Variants in PHACTR4 observed in about 807,000 individuals in gnomAD.
The protein encoded by PHACTR4 is protein phosphatase 1, regulatory subunit 124.
PHACTR4 carries 51 observed loss-of-function variants against 72.7 expected under a neutral mutation model. The observed-to-expected ratio is 0.70, with a 90% CI of 0.56 to 0.89. The LOEUF (loss-of-function observed/expected upper bound fraction) is 0.89. Among genes scored for constraint, PHACTR4 ranks in the 40% least tolerant of loss-of-function variants. The probability of loss-of-function intolerance (pLI) is 0.00; values close to 1 mark genes in which losing one functional copy is unlikely to be tolerated. For synonymous variants in PHACTR4, 255 were observed against 302.5 expected (o/e 0.84, Z 1.63); for missense variants, 731 against 861.8 (o/e 0.85, Z 1.90).
At chr1:28,495,287 T>C (rs1661276547) in intron 13 of PHACTR4, among the ~76,000 whole-genome samples, 1 of 152,128 alleles carries the variant, frequency 6.6e-6, no homozygotes, top group Non-Finnish European at 1.5e-5. Context: ...TTTCTTTTTT[T>C]AATAGAGATG....
chr1:28,474,121 C>G lies in PHACTR4; in HGVS notation c.1391C>G (p.Ser464Cys). ...AGCAGTACGCTGGGTCGGACCAGGT[C>G]TCTTCCCATCACTATTGAAATGCTA... is the stretch of plus-strand genomic sequence containing the variant. The part of the protein sequence containing the change: ...EDSSTLGRTR[S>C]LPITIEMLKV... Residue 464 changes from serine (S) to cysteine (C), a missense_variant, in exon 7 of 14, where the codon TCT (serine) becomes TGT (cysteine). Transcript: ENST00000373839. The G allele has an allele frequency of 6.2e-7, 1 of 1,613,302 alleles. No homozygotes were observed. Among genetic ancestry groups the G allele is most frequent in the Non-Finnish European group, 8.5e-7 (1 of 1,179,614 alleles).
intron 2 of PHACTR4, among the ~76,000 whole-genome samples, chr1:28,420,326 C>T (rs180968751): frequency 6.6e-6 from 1 of 152,066 alleles, no homozygotes; most frequent in East Asian, 1.9e-4. Context: ...GGCAGTTTAC[C>T]CCATGCTGTT....
chr1:28,400,763 A>G (rs2124247198), intron 1 of PHACTR4, among the ~76,000 whole-genome samples: 1 of 152,132 alleles, frequency 6.6e-6, no homozygotes, highest in East Asian at 1.9e-4. Flanking sequence ...TAGTTTTAGT[A>G]GAGACGGGGT....
At position 28,466,579 on chromosome 1, in the gene PHACTR4, A is replaced by C; in HGVS notation, c.634A>C (p.Thr212Pro). 6.2e-7 allele frequency: 1 copy of C among 1,613,924 alleles called. No individual in the cohort carries two copies. Among genetic ancestry groups the C allele is most frequent in the Non-Finnish European group, 8.5e-7 (1 of 1,179,992 alleles). ...CATCACCACAGCACCCGCTGCCACC[A>C]CTGCTGCCACAAGCCTTGCAAAGAC... ...TSITTAPAAT[T>P]AATSLAKTVN... The change falls in exon 6 of 14, where the codon ACT becomes CCT. Residue 212 changes from threonine to proline, a missense_variant. Coordinates refer to ENST00000373839, the MANE Select transcript of PHACTR4 (RefSeq NM_001048183.3).
At chr1:28,406,533 A>G (rs752913147) in intron 1 of PHACTR4, among the ~76,000 whole-genome samples, 2 of 152,142 alleles carry the variant, frequency 1.3e-5, no homozygotes, top group Non-Finnish European at 2.9e-5. Flanking sequence ...AAAGCTCTTA[A>G]TCTGAGCCAG....
intron 1 of PHACTR4, among the ~76,000 whole-genome samples, chr1:28,403,337 G>T (rs953604941): frequency 6.6e-6 from 1 of 152,158 alleles, no homozygotes; most frequent in Non-Finnish European, 1.5e-5. Flanking sequence ...TGCTGTAACG[G>T]CTGGGCTTAC....
rs35369238 is a variant in PHACTR4, at chr1:28,476,772, C to CTTTTTTTTTTTTTTTTTTTTTT, written c.1606+496_1606+497insTTTTTTTTTTTTTTTTTTTTTT. On this transcript the variant is annotated intron_variant, in intron 8 of 13. Transcript: ENST00000373839. ...GTCTCGTTAGGTTGCCTAGCCTGTTCTTTTTTTTTTTTTTTGAGACGGAGT... is the reference window on the plus strand; with the variant it reads ...GTCTCGTTAGGTTGCCTAGCCTGTTCTTTTTTTTTTTTTTTTTTTTTTTTTTTTTTTTTTTTTGAGACGGAGT... Among the ~76,000 whole-genome samples, 143 of 98,398 alleles carry CTTTTTTTTTTTTTTTTTTTTTT rather than the reference C, an allele frequency of 1.5e-3. 19 individuals carry two copies. The Middle Eastern group carries it at 0.019, about 13-fold the overall frequency. 64.6% of individuals were successfully genotyped at this position (98,398 alleles called of 152,430 possible). A position where few individuals can be genotyped will look rare whatever the true frequency, so the allele number is the denominator to read the frequency against.
At chr1:28,481,308 G>A (rs192445141) in intron 9 of PHACTR4, 1 of 152,190 alleles carries the variant, frequency 6.6e-6, no homozygotes, top group African/African-American at 2.4e-5. Flanking sequence ...GGGATTATAG[G>A]TGTAAGCCAC....
At position 28,496,537 on chromosome 1, in the gene PHACTR4, C is replaced by T. The variant is rs1661374402; in HGVS notation, c.2097C>T (p.Tyr699=). The change falls in exon 14 of 14, where the codon TAC becomes TAT. Residue 699 remains tyrosine, a synonymous_variant. Transcript: ENST00000373839. ...VHEESKHFTR[Y]HRP is the part of the protein sequence containing the mutation. ...TCTCTTTTTTAATCTCTTTTAGCTA[C>T]CATCGTCCATGATGCCAAAGGTTGA... The T allele has an allele frequency of 2.5e-6, 4 of 1,613,790 alleles. No homozygotes were observed. Among genetic ancestry groups the T allele is most frequent in the Non-Finnish European group, 3.4e-6 (4 of 1,179,938 alleles).
intron 2 of PHACTR4, among the ~76,000 whole-genome samples, chr1:28,408,508 G>A (rs1395734036): frequency 2.6e-5 from 4 of 152,052 alleles, no homozygotes; most frequent in African/African-American, 4.8e-5. Flanking sequence ...GCAGTAAGCC[G>A]GGATCATGCC....
chr1:28,413,918 C>T (rs1339356423), intron 2 of PHACTR4, among the ~76,000 whole-genome samples: 2 of 152,132 alleles, frequency 1.3e-5, no homozygotes, highest in African/African-American at 4.8e-5. Flanking sequence ...ATTCTCATAT[C>T]AGTATCAGGG....
chr1:28,421,749 T>TTA (rs1311229251), intron 2 of PHACTR4, among the ~76,000 whole-genome samples: 1 of 152,224 alleles, frequency 6.6e-6, no homozygotes, highest in African/African-American at 2.4e-5. Context: ...GAATTATGTC[T>TTA]TAAATAGTAT....
At position 28,459,210 on chromosome 1, in the gene PHACTR4, A is replaced by C. The variant is rs1473753012; in HGVS notation, c.142A>C (p.Lys48Gln). The change falls in exon 3 of 14, where the codon AAA becomes CAA. Residue 48 changes from lysine to glutamine, a missense_variant. By Grantham distance (53) the Lys-to-Gln change is moderately conservative. Around this residue, in one of 2 missense-constraint regions of PHACTR4, gnomAD observed 621 missense variants for 676.6 expected, o/e 0.92. Transcript: ENST00000373839. ...CTTTGGCAAGATCTTCAAGCCCTGG[A>C]AATGGAGGAAAAAAAAAAGTAGTGA... is the stretch of plus-strand genomic sequence containing the variant. ...SGFGKIFKPW[K>Q]WRKKKSSDKF... is the part of the protein sequence containing the mutation. 1 of 1,613,740 alleles carries C rather than the reference A, an allele frequency of 6.2e-7. No individual in the cohort carries two copies. Among genetic ancestry groups the C allele is most frequent in the Non-Finnish European group, 8.5e-7 (1 of 1,179,964 alleles).
intron 1 of PHACTR4, among the ~76,000 whole-genome samples, chr1:28,381,886 C>T (rs1652198402): frequency 6.6e-6 from 1 of 152,116 alleles, no homozygotes. Context: ...GATTCTTGTG[C>T]TTCAGCCTCC....
chr1:28,394,324 GAC>G (rs1653305424), intron 1 of PHACTR4, among the ~76,000 whole-genome samples: 1 of 148,588 alleles, frequency 6.7e-6, no homozygotes, highest in Admixed American at 6.8e-5. Context: ...GGAGGAGAGA[GAC>G]AGAGCAGAGA....
At chr1:28,487,600 C>T in intron 9 of PHACTR4, among the ~76,000 whole-genome samples, 1 of 148,620 alleles carries the variant, frequency 6.7e-6, no homozygotes, top group East Asian at 2.0e-4. Context: ...CTTATGCAAG[C>T]AACAGAAGAG....
chr1:28,449,320 C>T (rs1657760719), intron 2 of PHACTR4, among the ~76,000 whole-genome samples: 1 of 151,834 alleles, frequency 6.6e-6, no homozygotes, highest in African/African-American at 2.4e-5. Context: ...GGGTAACATA[C>T]CCCATATCTA....
chr1:28,489,278 A>G, intron 10 of PHACTR4, 53 bp downstream of exon 10: 1 of 1,451,802 alleles, frequency 6.9e-7, no homozygotes, highest in Non-Finnish European at 9.6e-7. Context: ...TATGTTTCTG[A>G]CTTTAATATA....
chr1:28,479,148 C>T (rs1294244641), intron 8 of PHACTR4, among the ~76,000 whole-genome samples: 4 of 151,874 alleles, frequency 2.6e-5, no homozygotes, highest in Admixed American at 1.3e-4. Flanking sequence ...TGGCTGGCCA[C>T]GGTGGCTCAC....
Sources: gnomAD v4.1 joint callset for allele counts (sites outside exome capture counted in the v4.1 genomes callset) on GRCh38, gnomAD v4.1.1 for gene constraint, gnomAD v4.1.1 regional missense constraint, MANE v1.5 for transcripts, NCBI Gene and HGNC (gene_info 2026-07-23, HGNC 2026-07-21) for gene names.